SMAD7: variants seen among roughly 807,000 people sequenced by gnomAD.
SMAD7 encodes the protein SMAD family member 7, also known as MAD (mothers against decapentaplegic, Drosophila) homolog 7.
Under a neutral mutation model 38.7 loss-of-function variants are expected in SMAD7, and 8 were observed. The ratio of observed to expected loss-of-function variants is 0.21; its 90% CI spans 0.12 to 0.37. SMAD7 has a LOEUF of 0.37. Ranked by LOEUF, SMAD7 falls within the 10% of genes least tolerant of loss-of-function variation. SMAD7 has a pLI of 1.00. For missense variants in SMAD7, 477 were observed against 577.9 expected, an observed-to-expected ratio of 0.83 and a Z score of 1.79; for synonymous variants, 327 against 265.1, an observed-to-expected ratio of 1.23 and a Z score of -2.27.
intron 3 of SMAD7, among the ~76,000 whole-genome samples, chr18:48,935,757 G>T (rs994485556): frequency 7.9e-5 from 12 of 152,172 alleles, no homozygotes; most frequent in African/African-American, 2.7e-4. Context: ...CGAAGGATCA[G>T]CACAGATGTG....
intron 3 of SMAD7, among the ~76,000 whole-genome samples, chr18:48,924,161 G>A (rs1032312855): frequency 1.0e-4 from 14 of 140,666 alleles, no homozygotes; most frequent in South Asian, 4.9e-4. Flanking sequence ...TTCCCAATTC[G>A]GGACAACAAA....
In SMAD7 at chr18:48,950,301, C is replaced by T. The variant is rs955172734; in HGVS notation, c.124G>A (p.Ala42Thr). ...GGGGELRGEG[A>T]TDSRAHGAGG... Reference sequence around the variant, plus strand: ...GCCCCATGCGCTCGGCTGTCCGTCGCCCCTTCTCCCCGCAGCTCGCCTCCT... The same window carrying T: ...GCCCCATGCGCTCGGCTGTCCGTCGTCCCTTCTCCCCGCAGCTCGCCTCCT... Residue 42 changes from alanine (A) to threonine (T), a missense_variant, in exon 1 of 4, where the codon GCG becomes ACG. Ala to Thr is a moderately conservative substitution (Grantham distance 58). Coordinates refer to ENST00000262158, the MANE Select transcript of SMAD7 (RefSeq NM_005904.4). 38 of 1,532,922 alleles carry T rather than the reference C, an allele frequency of 2.5e-5. No individual in the cohort carries two copies. Among genetic ancestry groups the T allele is most frequent in the Middle Eastern group, 1.7e-4 (1 of 5,882 alleles). 95.0% of individuals were successfully genotyped at this position (1,532,922 alleles called of 1,614,324 possible).
In SMAD7 at chr18:48,949,870, C is replaced by G; in HGVS notation, c.555G>C (p.Lys185Asn). 2.5e-6 allele frequency: 4 copies of G among 1,613,018 alleles called. No individual in the cohort carries two copies. Among genetic ancestry groups the G allele is most frequent in the Non-Finnish European group, 3.4e-6 (4 of 1,179,538 alleles). Residue 185 changes from lysine to asparagine, a missense_variant, in exon 1 of 4, where the codon AAG (lysine) becomes AAC (asparagine). By Grantham distance (94) the Lys-to-Asn change is moderately conservative. Coordinates refer to ENST00000262158, the MANE Select transcript of SMAD7 (RefSeq NM_005904.4). The stretch of plus-strand genomic sequence containing the variant: ...TGCAGCACACCAGCTCGGGGTTGAT[C>G]TTCCCGTAAGATTCACAGCAACACA... The part of the protein sequence containing the change: ...KRLCCCESYG[K>N]INPELVCCNP...
rs1291764709 is a variant in SMAD7, at chr18:48,921,569, G to A, written c.1084C>T (p.Pro362Ser). 3.7e-6 allele frequency: 6 copies of A among 1,614,218 alleles called. No individual in the cohort carries two copies. The highest frequency in any genetic ancestry group is 5.1e-6 in the Non-Finnish European group (6 of 1,180,032). ...SRTLLVHKVF[P>S]GFSIKAFDYE... ...TCGAAAGCCTTGATGGAGAAACCGG[G>A]GAACACCTTGTGTACCAACAGCGTC... Residue 362 changes from proline (P) to serine (S), a missense_variant, in exon 4 of 4, where the codon CCC (proline) becomes TCC (serine). Physicochemically the swap from Pro to Ser is moderately conservative, Grantham distance 74. Coordinates refer to ENST00000262158, the MANE Select transcript of SMAD7 (RefSeq NM_005904.4). The surrounding 1 kb of genome is among the most constrained non-coding windows in gnomAD (Gnocchi z 6.4).
chr18:48,945,247 G>A lies in SMAD7; in HGVS notation c.668-2692C>T, dbSNP rs186568454. On this transcript the variant is annotated intron_variant, in intron 2 of 3. Transcript: ENST00000262158. ...AAGCAGAGGTGGGCAGATCACACGA[G>A]GTCAGGAGATCGAGACCATCCTGGC... 4.0e-3 allele frequency among the ~76,000 whole-genome samples: 606 copies of A among 152,296 alleles called. 1 individual carries two copies. Among genetic ancestry groups the A allele is most frequent in the Admixed American group, 6.3e-3 (97 of 15,298 alleles).
At position 48,948,366 on chromosome 18, in the gene SMAD7, T is replaced by TA. The variant is rs780587357; in HGVS notation, c.667+17dup. On this transcript the variant is annotated intron_variant, in intron 2 of 3. Transcript: ENST00000262158. ...CTAACTTAAGATAAGCAGGATATTT[T>TA]AAAAATCATCTACTCACCAGTTGGT... The TA allele has an allele frequency of 1.3e-6, 2 of 1,560,528 alleles. No homozygotes were observed. The highest frequency in any genetic ancestry group is 2.7e-5 in the African/African-American group (2 of 72,968).
At position 48,950,063 on chromosome 18, in the gene SMAD7, G is replaced by A; in HGVS notation, c.362C>T (p.Thr121Met). 2 of 1,437,778 alleles carry A rather than the reference G, an allele frequency of 1.4e-6. No homozygotes were observed. Among genetic ancestry groups the A allele is most frequent in the South Asian group, 1.5e-5 (1 of 68,848 alleles). 89.1% of individuals were successfully genotyped at this position (1,437,778 alleles called of 1,614,324 possible). The part of the protein sequence containing the change: ...LLQAVESRGG[T>M]RTACLLLPGR... Reference sequence around the variant, plus strand: ...GGGCAGCAGGAGGCACGCGGTGCGCGTCCCGCCGCGGGACTCCACGGCCTG... The same window carrying A: ...GGGCAGCAGGAGGCACGCGGTGCGCATCCCGCCGCGGGACTCCACGGCCTG... Residue 121 changes from threonine (T) to methionine (M), a missense_variant, in exon 1 of 4, where the codon ACG becomes ATG. By Grantham distance (81) the Thr-to-Met change is moderately conservative (BLOSUM62 -1). Transcript: ENST00000262158.
Position 48,950,007 on chromosome 18 carries a change from C to A in SMAD7, c.418G>T (p.Ala140Ser), listed in dbSNP as rs1568307281. 3.2e-6 allele frequency: 5 copies of A among 1,576,938 alleles called. No homozygotes were observed. The highest frequency in any genetic ancestry group is 4.3e-6 in the Non-Finnish European group (5 of 1,163,352). The change falls in exon 1 of 4, where the codon GCG becomes TCG. Residue 140 changes from alanine to serine, a missense_variant. Ala to Ser is a moderately conservative substitution (Grantham distance 99). Transcript: ENST00000262158. ...GRLDCRLGPG[A>S]PAGAQPAQPP... ...TGCGCAGGCTGCGCGCCGGCGGGCG[C>A]CCCCGGGCCCAGCCTGCAGTCCAGG...
chr18:48,946,145 G>C (rs1427108756), intron 2 of SMAD7, among the ~76,000 whole-genome samples: 2 of 152,160 alleles, frequency 1.3e-5, no homozygotes, highest in African/African-American at 4.8e-5. Flanking sequence ...TCCTAAGATG[G>C]AGACTTCACA....
At chr18:48,948,895 C>T (rs1430063385) in intron 1 of SMAD7, among the ~76,000 whole-genome samples, 1 of 152,254 alleles carries the variant, frequency 6.6e-6, no homozygotes, top group Non-Finnish European at 1.5e-5. Context: ...ATTCCTAGCG[C>T]ACTCGGGAGA....
intron 2 of SMAD7, among the ~76,000 whole-genome samples, chr18:48,947,125 CAG>C (rs1261647006): frequency 6.6e-6 from 1 of 152,178 alleles, no homozygotes; most frequent in Non-Finnish European, 1.5e-5. Flanking sequence ...GTTACAAATA[CAG>C]AGAGCTGGGT....
chr18:48,943,349 T>G (rs2070163207), intron 2 of SMAD7, among the ~76,000 whole-genome samples: 1 of 152,234 alleles, frequency 6.6e-6, no homozygotes. Flanking sequence ...AGATTGCATC[T>G]GCCCTTAACT....
intron 3 of SMAD7, among the ~76,000 whole-genome samples, chr18:48,939,833 C>G (rs1317266285): frequency 6.6e-6 from 1 of 151,310 alleles, no homozygotes; most frequent in Non-Finnish European, 1.5e-5. Flanking sequence ...CTGCCAGGCT[C>G]CCACCCCCCA....
intron 2 of SMAD7, among the ~76,000 whole-genome samples, chr18:48,943,209 G>C (rs2070161929): frequency 6.6e-6 from 1 of 152,126 alleles, no homozygotes; most frequent in South Asian, 2.1e-4. Flanking sequence ...ACCTCTCCCA[G>C]GCTAGTCCAA....
At chr18:48,941,445 C>A (rs1182865895) in intron 3 of SMAD7, among the ~76,000 whole-genome samples, 1 of 152,174 alleles carries the variant, frequency 6.6e-6, no homozygotes, top group Non-Finnish European at 1.5e-5. Context: ...TTTGCCTGAG[C>A]CAGCCATGGA....
At position 48,936,454 on chromosome 18, in the gene SMAD7, G is replaced by A. The variant is rs369836104; in HGVS notation, c.742+6027C>T. ...TCTACAGTTCCAGAACATTTTCATCGTCCCAAAAGGAAACCCGGTCCCATG... is the reference window on the plus strand; with the variant it reads ...TCTACAGTTCCAGAACATTTTCATCATCCCAAAAGGAAACCCGGTCCCATG... On this transcript the variant is annotated intron_variant, in intron 3 of 3. Coordinates refer to ENST00000262158, the MANE Select transcript of SMAD7 (RefSeq NM_005904.4). Among the ~76,000 whole-genome samples the A allele has an allele frequency of 1.6e-3, 249 of 152,296 alleles. 2 individuals are homozygous for A. The highest frequency in any genetic ancestry group is 0.01 in the Middle Eastern group (3 of 294).
chr18:48,947,902 C>CCG (rs1555718388), intron 2 of SMAD7, among the ~76,000 whole-genome samples: 5 of 150,646 alleles, frequency 3.3e-5, no homozygotes, highest in African/African-American at 1.2e-4. Flanking sequence ...ACCCCCCCCC[C>CCG]CCTTTTACTG....
chr18:48,924,737 T>C (rs2069905463), intron 3 of SMAD7, among the ~76,000 whole-genome samples: 1 of 152,140 alleles, frequency 6.6e-6, no homozygotes, highest in Non-Finnish European at 1.5e-5. Flanking sequence ...ACCAGCAGCC[T>C]CTGTCCTCCC....
At chr18:48,929,841 C>A (rs1477153505) in intron 3 of SMAD7, among the ~76,000 whole-genome samples, 1 of 151,992 alleles carries the variant, frequency 6.6e-6, no homozygotes, top group African/African-American at 2.4e-5. Flanking sequence ...CTTCTCCCAC[C>A]CTATCCCCCA....
Sources: allele counts gnomAD v4.1 joint callset (sites outside exome capture counted in the v4.1 genomes callset), GRCh38; gene constraint gnomAD v4.1.1; non-coding constraint Gnocchi (gnomAD v3.1); transcripts MANE v1.5; gene names NCBI Gene and HGNC (gene_info 2026-07-23, HGNC 2026-07-21).